The following FBXO2 variants were observed in gnomAD, a reference collection of about 807,000 sequenced individuals.
FBXO2 encodes F-box protein 2, also known as F-box only protein 2.
A neutral mutation model predicts 38.6 loss-of-function variants in FBXO2; 32 were observed. The observed-to-expected ratio is 0.83, with a 90% CI of 0.62 to 1.11. The LOEUF is 1.11. Ranked by LOEUF, FBXO2 falls within the 50% of genes most tolerant of loss-of-function variation. The pLI is 0.00. For missense variants in FBXO2, 450 were observed against 418.3 expected (o/e 1.08, Z -0.66); for synonymous variants, 189 against 182.9 (o/e 1.03, Z -0.27).
chr1:11,648,632 G>C lies in FBXO2; in HGVS notation c.*62C>G. ...GTGAGGACGCTATGGACTAAGTTAAGGCCTATCTACCCTCGACCTTTGCCC... is the reference window on the plus strand; with the variant it reads ...GTGAGGACGCTATGGACTAAGTTAACGCCTATCTACCCTCGACCTTTGCCC... On this transcript the variant is annotated 3_prime_UTR_variant, in exon 6 of 6. Transcript: ENST00000354287. This position sits in a 1 kb window ranked among gnomAD's most constrained non-coding sequence, Gnocchi z 4.2. 2 of 1,593,244 alleles carry C rather than the reference G, an allele frequency of 1.3e-6. No homozygotes were observed. The highest frequency in any genetic ancestry group is 1.7e-6 in the Non-Finnish European group (2 of 1,165,418).
rs550255201 is a variant in FBXO2 at position 11,651,569 on chromosome 1, G to A, written c.23-735C>T. On this transcript the variant is annotated intron_variant, in intron 1 of 5. Transcript: ENST00000354287. ...AAACTGAGGCACAGAGAGGTGAAAC[G>A]GCCCAGGATCACACGGCTAATCAGT... is the stretch of plus-strand genomic sequence containing the variant. 9.2e-5 allele frequency among the ~76,000 whole-genome samples: 14 copies of A among 152,260 alleles called. No homozygotes were observed. In the South Asian group the frequency reaches 1.7e-3, roughly 18 times the overall value.
In FBXO2 at chr1:11,649,823, C is replaced by T. The variant is rs1385633018; in HGVS notation, c.573G>A (p.Glu191=). ...VIDLQAEGYW[E]ELLDTTQPAI... Reference sequence around the variant, plus strand: ...CCGGCTGAGTCGTGTCCAGCAGCTCCTCCCAGTAGCCCTCAGCCTGCAGGT... The same window carrying T: ...CCGGCTGAGTCGTGTCCAGCAGCTCTTCCCAGTAGCCCTCAGCCTGCAGGT... Residue 191 remains glutamate, a synonymous_variant, in exon 4 of 6, where the codon GAG becomes GAA. Transcript: ENST00000354287. 1.2e-6 allele frequency: 2 copies of T among 1,613,924 alleles called. No individual in the cohort carries two copies. The highest frequency in any genetic ancestry group is 2.7e-5 in the African/African-American group (2 of 74,932).
chr1:11,649,308 T>G (rs1570218491), intron 4 of FBXO2, 83 bp from the exon 5 acceptor site: 1 of 1,243,902 alleles, frequency 8.0e-7, no homozygotes, highest in East Asian at 2.6e-5. Context: ...GTCCTGGGGA[T>G]GGGGATTTCC....
At position 11,648,665 on chromosome 1, in the gene FBXO2, C is replaced by T; in HGVS notation, c.*29G>A. On this transcript the variant is annotated 3_prime_UTR_variant, in exon 6 of 6. Transcript: ENST00000354287. The surrounding 1 kb of genome is among the most constrained non-coding windows in gnomAD (Gnocchi z 4.2). ...TACCCTCGACCTTTGCCCCTCCAGG[C>T]AGCTGGGGGAGAGTGGAGGCAGGGT... 2 of 1,610,622 alleles carry T rather than the reference C, an allele frequency of 1.2e-6. No individual in the cohort carries two copies. Among genetic ancestry groups the T allele is most frequent in the Non-Finnish European group, 1.7e-6 (2 of 1,177,916 alleles).
Position 11,650,715 on chromosome 1 carries a change from C to T in FBXO2, c.142G>A (p.Asp48Asn), listed in dbSNP as rs1416661788. 5.2e-6 allele frequency: 8 copies of T among 1,525,838 alleles called. No homozygotes were observed. Among genetic ancestry groups the T allele is most frequent in the South Asian group, 2.4e-5 (2 of 83,646 alleles). The allele number at this position is 1,525,838 out of a possible 1,614,324, so 94.5% of individuals were successfully genotyped here. A position where few individuals can be genotyped will look rare whatever the true frequency, so the allele number is the denominator to read the frequency against. The change falls in exon 2 of 6, where the codon GAC becomes AAC. Residue 48 changes from aspartate to asparagine, a missense_variant. Physicochemically the swap from Asp to Asn is conservative, Grantham distance 23. Transcript: ENST00000354287. ...AGCAGCAGCGGCTCGGGCAGCTCGTCCAGGTACGCGGCGGCGGCCGCCGCC... is the reference window on the plus strand; with the variant it reads ...AGCAGCAGCGGCTCGGGCAGCTCGTTCAGGTACGCGGCGGCGGCCGCCGCC... ...EEAAAAAAYLDELPEPLLLRV... is the reference protein window; with the variant it reads ...EEAAAAAAYLNELPEPLLLRV...
At chr1:11,653,811 G>A (rs1041334436) in intron 1 of FBXO2, among the ~76,000 whole-genome samples, 1 of 152,132 alleles carries the variant, frequency 6.6e-6, no homozygotes, top group Non-Finnish European at 1.5e-5. Flanking sequence ...CTCCCTCACC[G>A]CTAGTCGGGT....
Position 11,650,051 on chromosome 1 carries a change from C to T in FBXO2, c.415G>A (p.Val139Met), listed in dbSNP as rs144552824. 4.3e-5 allele frequency: 69 copies of T among 1,614,018 alleles called. No homozygotes were observed. The highest frequency in any genetic ancestry group is 1.2e-4 in the African/African-American group (9 of 74,934). ...GEEDLEGWCD[V>M]EHGGDGWRVE... Reference sequence around the variant, plus strand: ...CTCCAGCCGTCCCCACCATGCTCCACGTCACACCAGCCTTCCAAGTCCTCT... The same window carrying T: ...CTCCAGCCGTCCCCACCATGCTCCATGTCACACCAGCCTTCCAAGTCCTCT... The change falls in exon 3 of 6, where the codon GTG becomes ATG. Residue 139 changes from valine to methionine, a missense_variant. Coordinates refer to ENST00000354287, the MANE Select transcript of FBXO2 (RefSeq NM_012168.6).
intron 4 of FBXO2, 167 bp downstream of exon 4, chr1:11,649,612 T>C: frequency 4.6e-6 from 3 of 647,826 alleles, no homozygotes; most frequent in Admixed American, 2.9e-5. Flanking sequence ...GGTTTCCAGG[T>C]TCTCCTGCAA....
Position 11,648,988 on chromosome 1 carries a change from C to A in FBXO2, c.756+99G>T. Reference sequence around the variant, plus strand: ...GTGACTATCTCAGCCCAGCCCAGCCCAGCCCACCCCAGCCCAGGAGCGCTG... The same window carrying A: ...GTGACTATCTCAGCCCAGCCCAGCCAAGCCCACCCCAGCCCAGGAGCGCTG... On this transcript the variant is annotated intron_variant, in intron 5 of 5. Transcript: ENST00000354287. The surrounding 1 kb of genome is among the most constrained non-coding windows in gnomAD (Gnocchi z 4.2). 1 of 1,424,100 alleles carries A rather than the reference C, an allele frequency of 7.0e-7. No individual in the cohort carries two copies. Among genetic ancestry groups the A allele is most frequent in the South Asian group, 1.3e-5 (1 of 75,784 alleles). 88.2% of individuals were successfully genotyped at this position (1,424,100 alleles called of 1,614,324 possible). A position where few individuals can be genotyped will look rare whatever the true frequency, so the allele number is the denominator to read the frequency against.
At position 11,650,664 on chromosome 1, in the gene FBXO2, C is replaced by T; in HGVS notation, c.193G>A (p.Ala65Thr). 5.8e-6 allele frequency: 9 copies of T among 1,548,274 alleles called. No homozygotes were observed. The highest frequency in any genetic ancestry group is 1.4e-5 in the African/African-American group (1 of 73,002). ...AGGCGGCAGGCCTGCACCAGCTCGGCGGCCGGCAGTGCGGCCAGCACGCGC... is the reference window on the plus strand; with the variant it reads ...AGGCGGCAGGCCTGCACCAGCTCGGTGGCCGGCAGTGCGGCCAGCACGCGC... ...LLRVLAALPA[A>T]ELVQACRLVC... The change falls in exon 2 of 6, where the codon GCC becomes ACC. Residue 65 changes from alanine to threonine, a missense_variant. Ala to Thr is a moderately conservative substitution (Grantham distance 58). Transcript: ENST00000354287.
chr1:11,650,077 G>A lies in FBXO2; in HGVS notation c.392-3C>T. ...GTCACACCAGCCTTCCAAGTCCTCTGTAGGGACACGACAGCCCCACCCTGG... is the reference window on the plus strand; with the variant it reads ...GTCACACCAGCCTTCCAAGTCCTCTATAGGGACACGACAGCCCCACCCTGG... On this transcript the variant is annotated splice_region_variant and splice_polypyrimidine_tract_variant and intron_variant, in intron 2 of 5. Transcript: ENST00000354287. 6.2e-7 allele frequency: 1 copy of A among 1,613,930 alleles called. No homozygotes were observed. The highest frequency in any genetic ancestry group is 8.5e-7 in the Non-Finnish European group (1 of 1,179,990).
rs778861115 is a variant in FBXO2, at chr1:11,650,829, C to T, written c.28G>A (p.Val10Met). MDGDGDPES[V>M]GQPEEASPEE... The stretch of plus-strand genomic sequence containing the variant: ...GGGCTTGCCTCCTCGGGCTGGCCCA[C>T]GCTCTCTGCAGGCAGGGATGGGTGG... Residue 10 changes from valine (V) to methionine (M), a missense_variant, in exon 2 of 6, where the codon GTG becomes ATG. Physicochemically the swap from Val to Met is conservative, Grantham distance 21. Transcript: ENST00000354287. The T allele has an allele frequency of 1.3e-6, 2 of 1,552,224 alleles. No individual in the cohort carries two copies. The highest frequency in any genetic ancestry group is 1.8e-5 in the Admixed American group (1 of 55,328).
At position 11,654,296 on chromosome 1, in the gene FBXO2, C is replaced by A. The variant is rs930242699; in HGVS notation, c.22+23G>T. 4.7e-6 allele frequency: 7 copies of A among 1,489,822 alleles called. No individual in the cohort carries two copies. In the East Asian group the frequency reaches 1.5e-4, roughly 31 times the overall value. The allele number at this position is 1,489,822 out of a possible 1,614,324, so 92.3% of individuals were successfully genotyped here. On this transcript the variant is annotated intron_variant, in intron 1 of 5. Coordinates refer to ENST00000354287, the MANE Select transcript of FBXO2 (RefSeq NM_012168.6). Reference sequence around the variant, plus strand: ...ACCCCATCTCCCCTCCCCGCCGCAGCGAGCGGTCCAGGCGTCGGCTACCTG... The same window carrying A: ...ACCCCATCTCCCCTCCCCGCCGCAGAGAGCGGTCCAGGCGTCGGCTACCTG...
rs1460477151 is a variant in FBXO2, at chr1:11,648,573, A to T, written c.*121T>A. On this transcript the variant is annotated 3_prime_UTR_variant, in exon 6 of 6. Coordinates refer to ENST00000354287, the MANE Select transcript of FBXO2 (RefSeq NM_012168.6). The surrounding 1 kb of genome is among the most constrained non-coding windows in gnomAD (Gnocchi z 4.2). Reference sequence around the variant, plus strand: ...CCTGCTCAGGGGCTGGGATCGGAGCAAGGGATGGGAGGAGGATGTGTGGCT... The same window carrying T: ...CCTGCTCAGGGGCTGGGATCGGAGCTAGGGATGGGAGGAGGATGTGTGGCT... 1 of 1,359,220 alleles carries T rather than the reference A, an allele frequency of 7.4e-7. No homozygotes were observed. 84.2% of individuals were successfully genotyped at this position (1,359,220 alleles called of 1,614,324 possible). A position where few individuals can be genotyped will look rare whatever the true frequency, so the allele number is the denominator to read the frequency against.
rs1337643816 is a variant in FBXO2 at position 11,654,382 on chromosome 1, C to A, written c.-42G>T. 2.2e-6 allele frequency: 3 copies of A among 1,362,964 alleles called. No individual in the cohort carries two copies. Among genetic ancestry groups the A allele is most frequent in the Non-Finnish European group, 1.9e-6 (2 of 1,062,100 alleles). 84.4% of individuals were successfully genotyped at this position (1,362,964 alleles called of 1,614,324 possible). ...CGCGAGAGGAGGAGCCGGAGCGCTG[C>A]GGGCTGCGCGAGTCCCGGGGCGGCG... On this transcript the variant is annotated 5_prime_UTR_variant, in exon 1 of 6. Coordinates refer to ENST00000354287, the MANE Select transcript of FBXO2 (RefSeq NM_012168.6).
chr1:11,653,718 G>C (rs1639588075), intron 1 of FBXO2, among the ~76,000 whole-genome samples: 1 of 152,192 alleles, frequency 6.6e-6, no homozygotes, highest in South Asian at 2.1e-4. Context: ...TTGGAGGGAT[G>C]GGGGTGAGGG....
intron 1 of FBXO2, among the ~76,000 whole-genome samples, chr1:11,651,555 CA>C (rs1289075660): frequency 6.6e-6 from 1 of 152,156 alleles, no homozygotes. Context: ...AACTGAGGCA[CA>C]GAGAGGTGAA....
chr1:11,650,876 T>C, intron 1 of FBXO2, 42 bp from the exon 2 acceptor site: 1 of 1,553,208 alleles, frequency 6.4e-7, no homozygotes, highest in African/African-American at 1.4e-5. Flanking sequence ...TCCTCCACCC[T>C]GTACTCCTCC....
At chr1:11,651,914 G>C (rs1476402498) in intron 1 of FBXO2, among the ~76,000 whole-genome samples, 1 of 152,020 alleles carries the variant, frequency 6.6e-6, no homozygotes, top group African/African-American at 2.4e-5. Flanking sequence ...GGCATGGCTG[G>C]TCTCAAACTC....
Sources: gnomAD v4.1 joint callset for allele counts (sites outside exome capture counted in the v4.1 genomes callset) on GRCh38, gnomAD v4.1.1 for gene constraint, Gnocchi (gnomAD v3.1) non-coding constraint, MANE v1.5 for transcripts, NCBI Gene and HGNC (gene_info 2026-07-23, HGNC 2026-07-21) for gene names.